DCAF5: variants seen among roughly 807,000 people sequenced by gnomAD.
DCAF5 encodes DDB1 and CUL4 associated factor 5.
Under a neutral mutation model 80.7 loss-of-function variants are expected in DCAF5, and 9 were observed. The observed-to-expected ratio is 0.11, with a 90% confidence interval of 0.07 to 0.19. DCAF5 has a LOEUF of 0.19. Among genes scored for constraint, DCAF5 ranks in the 10% least tolerant of loss-of-function variants. The pLI, the probability that DCAF5 is intolerant of heterozygous loss-of-function variation, is 1.00. For missense variants in DCAF5, 842 were observed against 1,205.7 expected, an observed-to-expected ratio of 0.70 and a Z score of 4.47; for synonymous variants, 433 against 461.9, an observed-to-expected ratio of 0.94 and a Z score of 0.80.
Position 69,053,710 on chromosome 14 carries a change from T to G in DCAF5, c.*147A>C. On this transcript the variant is annotated 3_prime_UTR_variant, in exon 9 of 9. Coordinates refer to ENST00000341516, the MANE Select transcript of DCAF5 (RefSeq NM_003861.3). Reference sequence around the variant, plus strand: ...TTCAGACCCGTTGTTGAATGTTGGATAGAAGGGAGCAGCATCAGACACAAA... The same window carrying G: ...TTCAGACCCGTTGTTGAATGTTGGAGAGAAGGGAGCAGCATCAGACACAAA... 1.4e-6 allele frequency: 1 copy of G among 704,922 alleles called. No homozygotes were observed. The highest frequency in any genetic ancestry group is 2.3e-6 in the Non-Finnish European group (1 of 442,432). The allele number at this position is 704,922 out of a possible 1,614,324, so 43.7% of individuals were successfully genotyped here.
At chr14:69,064,343 A>G (rs1164169662) in intron 7 of DCAF5, among the ~76,000 whole-genome samples, 1 of 151,574 alleles carries the variant, frequency 6.6e-6, no homozygotes, top group Admixed American at 6.6e-5. Context: ...TTCTACCTCT[A>G]CTCCCACTGG....
At chr14:69,102,591 G>GAC (rs143602483) in intron 5 of DCAF5, among the ~76,000 whole-genome samples, 5,755 of 124,854 alleles carry the variant, frequency 0.046, 187 homozygotes, top group African/African-American at 0.088. Context: ...TAAAAACAAA[G>GAC]ACACACACAC....
At chr14:69,084,171 T>C in intron 6 of DCAF5, 1 of 916,222 alleles carries the variant, frequency 1.1e-6, no homozygotes, top group Non-Finnish European at 1.8e-6. Flanking sequence ...GAACTAGCCA[T>C]GCAAACTTTT....
At chr14:69,121,830 T>G (rs2040729331) in intron 2 of DCAF5, among the ~76,000 whole-genome samples, 1 of 152,130 alleles carries the variant, frequency 6.6e-6, no homozygotes, top group African/African-American at 2.4e-5. Context: ...TTCATCTGCG[T>G]TATGGCCAGC....
intron 7 of DCAF5, among the ~76,000 whole-genome samples, chr14:69,068,012 ATCCT>A (rs1407152540): frequency 6.6e-6 from 1 of 152,230 alleles, no homozygotes; most frequent in Non-Finnish European, 1.5e-5. Flanking sequence ...AATCCTATCT[ATCCT>A]TCAGGGTCCT....
intron 1 of DCAF5, among the ~76,000 whole-genome samples, chr14:69,151,110 CT>C (rs1407654588): frequency 6.6e-6 from 1 of 152,118 alleles, no homozygotes; most frequent in Non-Finnish European, 1.5e-5. Context: ...GGAGCTAGGT[CT>C]ATAAAGAAGA....
intron 1 of DCAF5, among the ~76,000 whole-genome samples, chr14:69,148,102 C>CAAA (rs71446373): frequency 3.3e-5 from 3 of 91,622 alleles, no homozygotes; most frequent in Non-Finnish European, 4.8e-5. Context: ...ATTTTCTTCG[C>CAAA]AAAAAAAAAA....
intron 1 of DCAF5, among the ~76,000 whole-genome samples, chr14:69,129,277 C>G (rs1191388920): frequency 2.0e-5 from 3 of 152,160 alleles, no homozygotes; most frequent in Admixed American, 2.0e-4. Flanking sequence ...TCAAGGTTAG[C>G]ATCAGAAGAT....
At chr14:69,151,545 G>T (rs2041703267) in intron 1 of DCAF5, among the ~76,000 whole-genome samples, 1 of 152,174 alleles carries the variant, frequency 6.6e-6, no homozygotes, top group South Asian at 2.1e-4. Flanking sequence ...TATAGGAAAA[G>T]GGACAGAAGA....
In DCAF5 at chr14:69,118,040, C is replaced by T. The variant is rs1595030767; in HGVS notation, c.535+99G>A. 2.7e-6 allele frequency: 4 copies of T among 1,496,268 alleles called. No individual in the cohort carries two copies. In the Admixed American group the frequency reaches 7.0e-5, roughly 26 times the overall value. The allele number at this position is 1,496,268 out of a possible 1,614,324, so 92.7% of individuals were successfully genotyped here. ...TTTCACATTTCCTTTCCCTTGACAT[C>T]ACTTGCACATAGATACTGAGGTAAT... On this transcript the variant is annotated intron_variant, in intron 4 of 8. Transcript: ENST00000341516. The surrounding 1 kb of genome is among the most constrained non-coding windows in gnomAD (Gnocchi z 4.0).
intron 6 of DCAF5, 61 bp downstream of exon 6, chr14:69,091,613 T>G: frequency 6.8e-7 from 1 of 1,463,724 alleles, no homozygotes; most frequent in African/African-American, 1.4e-5. Flanking sequence ...AAGACCAGTA[T>G]AGAAAGAACA....
At chr14:69,079,993 G>A (rs2039041437) in intron 6 of DCAF5, among the ~76,000 whole-genome samples, 1 of 152,104 alleles carries the variant, frequency 6.6e-6, no homozygotes, top group South Asian at 2.1e-4. Flanking sequence ...ATGGTATTTT[G>A]AATAGAGCCC....
At chr14:69,082,140 G>A (rs1308820314) in intron 6 of DCAF5, among the ~76,000 whole-genome samples, 1 of 152,166 alleles carries the variant, frequency 6.6e-6, no homozygotes, top group East Asian at 1.9e-4. Context: ...CCAGAAAAAG[G>A]TTTGCTAACT....
intron 1 of DCAF5, among the ~76,000 whole-genome samples, chr14:69,127,773 C>A (rs2040921565): frequency 6.6e-6 from 1 of 152,052 alleles, no homozygotes; most frequent in Non-Finnish European, 1.5e-5. Flanking sequence ...ACCTCTGTAC[C>A]TTTCTCTTAA....
intron 5 of DCAF5, among the ~76,000 whole-genome samples, chr14:69,095,800 C>T (rs1367449834): frequency 6.6e-6 from 1 of 152,186 alleles, no homozygotes; most frequent in African/African-American, 2.4e-5. Flanking sequence ...CCATCTGATA[C>T]ACCTGGTGGT....
intron 1 of DCAF5, among the ~76,000 whole-genome samples, chr14:69,135,974 A>G (rs995179751): frequency 6.6e-6 from 1 of 152,244 alleles, no homozygotes; most frequent in Non-Finnish European, 1.5e-5. Flanking sequence ...ACGAGAAATT[A>G]TTCGATATGG....
At chr14:69,138,271 T>C (rs1160933017) in intron 1 of DCAF5, among the ~76,000 whole-genome samples, 1 of 152,240 alleles carries the variant, frequency 6.6e-6, no homozygotes, top group Admixed American at 6.5e-5. Flanking sequence ...AACAAGATTT[T>C]GACAGGCATC....
intron 8 of DCAF5, among the ~76,000 whole-genome samples, chr14:69,061,006 T>C (rs1317198310): frequency 6.6e-6 from 1 of 151,950 alleles, no homozygotes; most frequent in Non-Finnish European, 1.5e-5. Flanking sequence ...ATAAAAAAAT[T>C]GAGGATTTTT....
At chr14:69,084,779 T>C in intron 6 of DCAF5, 3 of 1,113,160 alleles carry the variant, frequency 2.7e-6, no homozygotes. Flanking sequence ...TACGACCACA[T>C]TCTTCCAGTT....
Sources: allele counts gnomAD v4.1 joint callset (sites outside exome capture counted in the v4.1 genomes callset), GRCh38; gene constraint gnomAD v4.1.1; non-coding constraint Gnocchi (gnomAD v3.1); transcripts MANE v1.5; gene names NCBI Gene and HGNC (gene_info 2026-07-23, HGNC 2026-07-21).